The following PLB1 variants were observed in gnomAD, a reference collection of about 807,000 sequenced individuals.
PLB1 encodes phospholipase B1, membrane-associated.
In PLB1, 242 loss-of-function variants were observed where a neutral mutation model predicts 227.4. The observed-to-expected ratio is 1.06, with a 90% CI of 0.96 to 1.18. The LOEUF (loss-of-function observed/expected upper bound fraction) is 1.18, where lower values mean the gene tolerates loss of function less well. Ranked by LOEUF, PLB1 falls within the 50% of genes most tolerant of loss-of-function variation. The pLI, the probability that PLB1 is intolerant of heterozygous loss-of-function variation, is 0.00. For synonymous variants in PLB1, 757 were observed against 682.2 expected, an observed-to-expected ratio of 1.11 and a Z score of -1.71; for missense variants, 1,858 against 1,816.3, an observed-to-expected ratio of 1.02 and a Z score of -0.42.
At chr2:28,608,676 A>AGCTG (rs1270743908) in intron 43 of PLB1, among the ~76,000 whole-genome samples, 1 of 152,218 alleles carries the variant, frequency 6.6e-6, no homozygotes, top group Non-Finnish European at 1.5e-5. Flanking sequence ...ACCCCAGGGC[A>AGCTG]GCTGGCTGAA....
At chr2:28,616,517 T>G (rs1266043126) in intron 44 of PLB1, among the ~76,000 whole-genome samples, 1 of 152,238 alleles carries the variant, frequency 6.6e-6, no homozygotes, top group Non-Finnish European at 1.5e-5. Flanking sequence ...GCACTGATTT[T>G]GGGTGTGGTG....
intron 26 of PLB1, among the ~76,000 whole-genome samples, chr2:28,586,307 C>T (rs1226656671): frequency 6.6e-6 from 1 of 152,218 alleles, no homozygotes; most frequent in Non-Finnish European, 1.5e-5. Context: ...GGTGCATTCC[C>T]TCTGCCCTCC....
At chr2:28,588,797 TA>T (rs989191283) in intron 26 of PLB1, among the ~76,000 whole-genome samples, 1 of 152,176 alleles carries the variant, frequency 6.6e-6, no homozygotes, top group African/African-American at 2.4e-5. Flanking sequence ...AGGACAGAAA[TA>T]AATTGTTAGG....
Position 28,519,781 on chromosome 2 carries a change from C to T in PLB1, c.243+18C>T, listed in dbSNP as rs1669273063. On this transcript the variant is annotated intron_variant, in intron 4 of 57. Coordinates refer to ENST00000327757, the MANE Select transcript of PLB1 (RefSeq NM_153021.5). ...TGGAAATTGTGAGTATTTGAAGTAG[C>T]TTGGGGCAGGAGACAGAGTTTGGTA... 6.2e-7 allele frequency: 1 copy of T among 1,600,376 alleles called. No homozygotes were observed. The highest frequency in any genetic ancestry group is 8.6e-7 in the Non-Finnish European group (1 of 1,167,618).
rs1405510574 is a variant in PLB1 at position 28,529,734 on chromosome 2, G to T, written c.423G>T (p.Leu141Phe). 5 of 1,613,974 alleles carry T rather than the reference G, an allele frequency of 3.1e-6. No individual in the cohort carries two copies. The Admixed American group carries it at 8.3e-5, about 27-fold the overall frequency. ...TTTCCCTCCCTCTGCACAGAGACTT[G>T]TGGATTCAGGCTCAAGAACTGGTGA... Reference protein sequence around the residue: ...RVIPHDGAEDLWIQAQELVRN... With the variant: ...RVIPHDGAEDFWIQAQELVRN... Residue 141 changes from leucine to phenylalanine, a missense_variant, in exon 8 of 58, where the codon TTG (leucine) becomes TTT (phenylalanine). Physicochemically the swap from Leu to Phe is conservative, Grantham distance 22. Coordinates refer to ENST00000327757, the MANE Select transcript of PLB1 (RefSeq NM_153021.5).
At position 28,638,354 on chromosome 2, in the gene PLB1, C is replaced by T. The variant is rs186924331; in HGVS notation, c.4099-2573C>T. Among the ~76,000 whole-genome samples the T allele has an allele frequency of 1.7e-3, 252 of 152,092 alleles. 1 individual carries two copies. Among genetic ancestry groups the T allele is most frequent in the Non-Finnish European group, 2.8e-3 (189 of 68,016 alleles). ...AGAGTCAGGAATGAGCTTGAAGTGT[C>T]TGAGGAACTTAAAGGCCAATGTGAC... is the stretch of plus-strand genomic sequence containing the variant. On this transcript the variant is annotated intron_variant, in intron 56 of 57. Transcript: ENST00000327757.
At chr2:28,542,884 C>T (rs1449362703) in intron 13 of PLB1, among the ~76,000 whole-genome samples, 2 of 152,182 alleles carry the variant, frequency 1.3e-5, no homozygotes, top group South Asian at 2.1e-4. Context: ...TATTAGCTCA[C>T]GTTCCCTTCC....
chr2:28,557,783 T>G (rs1032609326), intron 17 of PLB1, among the ~76,000 whole-genome samples: 2 of 152,204 alleles, frequency 1.3e-5, no homozygotes, highest in Non-Finnish European at 2.9e-5. Context: ...AAATAGTTCT[T>G]TTTCCAGGGA....
chr2:28,608,473 C>G (rs1684988668), intron 43 of PLB1, among the ~76,000 whole-genome samples: 3 of 152,232 alleles, frequency 2.0e-5, no homozygotes, highest in Admixed American at 1.3e-4. Flanking sequence ...CTTTCTCAGC[C>G]TCCTCCCTTC....
chr2:28,564,534 C>G (rs1320285581), intron 18 of PLB1, among the ~76,000 whole-genome samples: 1 of 152,218 alleles, frequency 6.6e-6, no homozygotes, highest in African/African-American at 2.4e-5. Flanking sequence ...TCCCAATTCC[C>G]TGGTCTCCTT....
chr2:28,633,209 A>G (rs1414226360), intron 56 of PLB1, 170 bp downstream of exon 56: 10 of 588,200 alleles, frequency 1.7e-5, no homozygotes, highest in Non-Finnish European at 2.4e-5. Context: ...AAAATACCCT[A>G]TATTTATCCA....
At chr2:28,536,252 T>C (rs1280830136) in intron 9 of PLB1, among the ~76,000 whole-genome samples, 4 of 152,180 alleles carry the variant, frequency 2.6e-5, no homozygotes, top group Non-Finnish European at 5.9e-5. Context: ...TCAGCAACTA[T>C]CCATTAGGTG....
chr2:28,518,346 G>T (rs1669101186), intron 2 of PLB1, 120 bp from the exon 3 acceptor site: 2 of 768,926 alleles, frequency 2.6e-6, no homozygotes, highest in Non-Finnish European at 2.3e-6. Flanking sequence ...GGCAATTGTT[G>T]TTTCTAGATT....
At chr2:28,566,131 A>G (rs980567467) in intron 19 of PLB1, among the ~76,000 whole-genome samples, 9 of 152,086 alleles carry the variant, frequency 5.9e-5, no homozygotes, top group Non-Finnish European at 5.9e-5. Context: ...TCTATCTGAC[A>G]CCTGCTTTAA....
At chr2:28,620,428 TC>T in intron 47 of PLB1, 96 bp downstream of exon 47, 1 of 1,359,236 alleles carries the variant, frequency 7.4e-7, no homozygotes. Context: ...TGCAGTTGGG[TC>T]CCCAGGTCCC....
chr2:28,529,251 A>G (rs531178625), intron 6 of PLB1, 66 bp from the exon 7 acceptor site: 1 of 1,070,024 alleles, frequency 9.3e-7, no homozygotes, highest in Admixed American at 1.7e-5. Context: ...GGCAGTAGGT[A>G]GGTCAGTCTT....
Position 28,606,348 on chromosome 2 carries a change from C to T in PLB1, c.3058-148C>T, listed in dbSNP as rs76804358. ...GCAAAGCGACTGGCCCAAAACCCCA[C>T]GGCTGGCAACTGGCAGAGCCAGAAG... On this transcript the variant is annotated intron_variant, in intron 42 of 57. Transcript: ENST00000327757. 1,465 of 741,318 alleles carry T rather than the reference C, an allele frequency of 2.0e-3. 19 individuals carry two copies. The African/African-American group carries it at 0.022, about 11-fold the overall frequency. The allele number at this position is 741,318 out of a possible 1,614,324, so 45.9% of individuals were successfully genotyped here. A position where few individuals can be genotyped will look rare whatever the true frequency, so the allele number is the denominator to read the frequency against.
intron 16 of PLB1, 24 bp from the exon 17 acceptor site, chr2:28,552,904 A>G: frequency 6.2e-7 from 1 of 1,609,910 alleles, no homozygotes; most frequent in Non-Finnish European, 8.5e-7. Flanking sequence ...CATTTTCCTT[A>G]TTTCCCTGTG....
chr2:28,508,871 A>G (rs1048523596), intron 1 of PLB1, among the ~76,000 whole-genome samples: 17 of 152,248 alleles, frequency 1.1e-4, no homozygotes, highest in African/African-American at 4.1e-4. Context: ...TTTAATGTGC[A>G]CTGAAGAGTG....
Sources: gnomAD v4.1 joint callset for allele counts (sites outside exome capture counted in the v4.1 genomes callset) on GRCh38, gnomAD v4.1.1 for gene constraint, MANE v1.5 for transcripts, NCBI Gene and HGNC (gene_info 2026-07-23, HGNC 2026-07-21) for gene names.